Variants in NXN observed in about 807,000 individuals in gnomAD.
NXN encodes nucleoredoxin, also known as nucleoredoxin 1.
Under a neutral mutation model 48.6 loss-of-function variants are expected in NXN, and 16 were observed. The observed-to-expected ratio is 0.33, with a 90% CI of 0.22 to 0.50. The LOEUF is 0.50. NXN is among the 20% of genes least tolerant of loss of function. The probability of loss-of-function intolerance (pLI) is 0.98; values close to 1 mark genes in which losing one functional copy is unlikely to be tolerated. For synonymous variants in NXN, 281 were observed against 269.6 expected, an observed-to-expected ratio of 1.04 and a Z score of -0.41; for missense variants, 492 against 605.5, an observed-to-expected ratio of 0.81 and a Z score of 1.97.
intron 1 of NXN, among the ~76,000 whole-genome samples, chr17:870,506 G>A (rs1393439553): frequency 6.6e-6 from 1 of 152,112 alleles, no homozygotes; most frequent in Non-Finnish European, 1.5e-5. Flanking sequence ...ACCTTGGGAG[G>A]CCAAGGAGGG....
At position 919,576 on chromosome 17, in the gene NXN, T is replaced by A. The variant is rs537143644; in HGVS notation, c.360+59743A>T. Among the ~76,000 whole-genome samples, 17 of 152,166 alleles carry A rather than the reference T, an allele frequency of 1.1e-4. No individual in the cohort carries two copies. The East Asian group carries it at 3.3e-3, about 29-fold the overall frequency. ...CGGCTTTCTACAGCACCTCCTCGTATCGTGGGTTACAGAACCTACGTCGTC... is the reference window on the plus strand; with the variant it reads ...CGGCTTTCTACAGCACCTCCTCGTAACGTGGGTTACAGAACCTACGTCGTC... On this transcript the variant is annotated intron_variant, in intron 1 of 7. Coordinates refer to ENST00000336868, the MANE Select transcript of NXN (RefSeq NM_022463.5). The surrounding 1 kb of genome is among the most constrained non-coding windows in gnomAD (Gnocchi z 5.1).
At position 958,861 on chromosome 17, in the gene NXN, G is replaced by C. The variant is rs2150626439; in HGVS notation, c.360+20458C>G. Among the ~76,000 whole-genome samples, 1 of 152,238 alleles carries C rather than the reference G, an allele frequency of 6.6e-6. No individual in the cohort carries two copies. ...GTGGGAGGATCGCTTGAGCCCAGGA[G>C]GTCAGGGCTGCAGTGAGTCATGATC... On this transcript the variant is annotated intron_variant, in intron 1 of 7. Coordinates refer to ENST00000336868, the MANE Select transcript of NXN (RefSeq NM_022463.5). The surrounding 1 kb of genome is among the most constrained non-coding windows in gnomAD (Gnocchi z 6.9).
At chr17:894,165 C>A (rs1172499325) in intron 1 of NXN, among the ~76,000 whole-genome samples, 47 of 90,720 alleles carry the variant, frequency 5.2e-4, no homozygotes, top group African/African-American at 1.9e-3. Flanking sequence ...GGAAGCATCT[C>A]AAACGCCCTG....
intron 1 of NXN, among the ~76,000 whole-genome samples, chr17:966,473 G>A (rs188403514): frequency 2.0e-5 from 3 of 151,896 alleles, no homozygotes; most frequent in East Asian, 1.9e-4. Flanking sequence ...TCAGCCTCCC[G>A]AGTAGTTGGG....
At chr17:858,056 G>A (rs1567836701) in intron 1 of NXN, among the ~76,000 whole-genome samples, 4 of 149,620 alleles carry the variant, frequency 2.7e-5, no homozygotes, top group Admixed American at 6.7e-5. Context: ...CTGCAGCCTC[G>A]ACCTCCCAGG....
At chr17:831,365 C>A (rs1913460610) in intron 1 of NXN, among the ~76,000 whole-genome samples, 1 of 152,052 alleles carries the variant, frequency 6.6e-6, no homozygotes, top group South Asian at 2.1e-4. Flanking sequence ...AAAAACTATG[C>A]CATTTTATAT....
intron 1 of NXN, among the ~76,000 whole-genome samples, chr17:840,489 G>A (rs1466184538): frequency 6.6e-6 from 1 of 152,216 alleles, no homozygotes; most frequent in Admixed American, 6.5e-5. Flanking sequence ...ACAGGCGCCT[G>A]CCACCACGCA....
chr17:801,691 A>G (rs569385882), intron 7 of NXN, among the ~76,000 whole-genome samples: 2 of 152,084 alleles, frequency 1.3e-5, no homozygotes, highest in East Asian at 1.9e-4. Context: ...TGATCCGCCT[A>G]CCTTGGCCTC....
At chr17:850,925 A>G (rs2067917066) in intron 1 of NXN, among the ~76,000 whole-genome samples, 1 of 152,168 alleles carries the variant, frequency 6.6e-6, no homozygotes, top group Admixed American at 6.5e-5. Context: ...GGCGGCAACG[A>G]GACTTGACCT....
intron 1 of NXN, among the ~76,000 whole-genome samples, chr17:950,437 T>C (rs556453603): frequency 6.3e-4 from 96 of 152,172 alleles, no homozygotes; most frequent in African/African-American, 2.3e-3. Context: ...GGGAACTATA[T>C]CTGGTTTTCA....
In NXN at chr17:920,721, CTT is replaced by C. The variant is rs67399502; in HGVS notation, c.360+58596_360+58597del. Among the ~76,000 whole-genome samples the C allele has an allele frequency of 2.4e-4, 35 of 144,414 alleles. No individual in the cohort carries two copies. The highest frequency in any genetic ancestry group is 3.5e-4 in the Admixed American group (5 of 14,396). The allele number at this position is 144,414 out of a possible 152,430, so 94.7% of individuals were successfully genotyped here. A position where few individuals can be genotyped will look rare whatever the true frequency, so the allele number is the denominator to read the frequency against. ...TGGAAGATTCCACCGTTCAGGAAGC[CTT>C]TTTTTTTTTTTTCCTTTGAAACAGA... On this transcript the variant is annotated intron_variant, in intron 1 of 7. Coordinates refer to ENST00000336868, the MANE Select transcript of NXN (RefSeq NM_022463.5). This position sits in a 1 kb window ranked among gnomAD's most constrained non-coding sequence, Gnocchi z 4.6.
intron 1 of NXN, chr17:929,829 A>T (rs2068835873): frequency 6.6e-6 from 1 of 152,130 alleles, no homozygotes; most frequent in Non-Finnish European, 1.5e-5. Flanking sequence ...AGTAGTGTTT[A>T]ATCCAAAGAC....
chr17:892,886 G>A (rs1297179564), intron 1 of NXN, among the ~76,000 whole-genome samples: 1 of 152,200 alleles, frequency 6.6e-6, no homozygotes, highest in African/African-American at 2.4e-5. Flanking sequence ...ACTTCAGATA[G>A]TAACAATGTA....
In NXN at chr17:899,666, T is replaced by C. The variant is rs560377573; in HGVS notation, c.361-73588A>G. Among the ~76,000 whole-genome samples, 5 of 152,234 alleles carry C rather than the reference T, an allele frequency of 3.3e-5. No individual in the cohort carries two copies. In the East Asian group the frequency reaches 7.7e-4, roughly 24 times the overall value. ...CTCCTCTCTGTTACGGAGATTTAGG[T>C]ACAGGGTTTCTTTTCCTGGGAGACA... On this transcript the variant is annotated intron_variant, in intron 1 of 7. Transcript: ENST00000336868.
rs760422030 is a variant in NXN at position 819,505 on chromosome 17, A to T, written c.754T>A (p.Trp252Arg). The change falls in exon 5 of 8, where the codon TGG (tryptophan) becomes AGG (arginine). Residue 252 changes from tryptophan (W) to arginine (R), a missense_variant. This residue lies in a region of NXN where 303 missense variants were observed against 388.3 expected (regional missense o/e 0.78). Coordinates refer to ENST00000336868, the MANE Select transcript of NXN (RefSeq NM_022463.5). ...SFKQYFSEMP[W>R]LAVPYTDEAR... ...TCATCCGTGTAGGGGACGGCGAGCCAGGGCATCTCACTGAAGTACTGTTTG... is the reference window on the plus strand; with the variant it reads ...TCATCCGTGTAGGGGACGGCGAGCCTGGGCATCTCACTGAAGTACTGTTTG... 1 of 1,612,812 alleles carries T rather than the reference A, an allele frequency of 6.2e-7. No homozygotes were observed. The highest frequency in any genetic ancestry group is 8.5e-7 in the Non-Finnish European group (1 of 1,179,384).
intron 1 of NXN, among the ~76,000 whole-genome samples, chr17:955,762 C>T (rs1325276684): frequency 3.8e-4 from 57 of 151,934 alleles, no homozygotes; most frequent in African/African-American, 1.1e-3. Flanking sequence ...ATTAGCCGGG[C>T]GTGGTGGCGG....
At chr17:878,843 A>G (rs1407383992) in intron 1 of NXN, among the ~76,000 whole-genome samples, 1 of 152,130 alleles carries the variant, frequency 6.6e-6, no homozygotes, top group African/African-American at 2.4e-5. Context: ...AAGCTCTAAT[A>G]TGTGTTTAAA....
chr17:926,527 G>GTTTTTTGTTTTTTTTTTTGT (rs1567504152), intron 1 of NXN, among the ~76,000 whole-genome samples: 3 of 56,332 alleles, frequency 5.3e-5, no homozygotes, highest in Non-Finnish European at 1.4e-4. Flanking sequence ...AGTATCCCAT[G>GTTTTTTGTTTTTTTTTTTGT]TTTTTTGTTT....
chr17:972,040 C>T (rs2069387719), intron 1 of NXN, among the ~76,000 whole-genome samples: 1 of 152,156 alleles, frequency 6.6e-6, no homozygotes, highest in African/African-American at 2.4e-5. Flanking sequence ...GTGGCTCACA[C>T]CCGTAAGCCC....
Sources: gnomAD v4.1 joint callset for allele counts (sites outside exome capture counted in the v4.1 genomes callset) on GRCh38, gnomAD v4.1.1 for gene constraint, gnomAD v4.1.1 regional missense constraint, Gnocchi (gnomAD v3.1) non-coding constraint, MANE v1.5 for transcripts, NCBI Gene and HGNC (gene_info 2026-07-23, HGNC 2026-07-21) for gene names.